Variants in STX16 observed in about 807,000 individuals in gnomAD.
STX16 encodes syntaxin-16.
In STX16, 28 loss-of-function variants were observed where a neutral mutation model predicts 42.7. The ratio of observed to expected loss-of-function variants is 0.66; its 90% CI spans 0.49 to 0.90. STX16 has a LOEUF of 0.90. Ranked by LOEUF, STX16 falls within the 40% of genes least tolerant of loss-of-function variation. The pLI, the probability that STX16 is intolerant of heterozygous loss-of-function variation, is 0.00. For synonymous variants in STX16, 156 were observed against 155.2 expected, an observed-to-expected ratio of 1.00 and a Z score of -0.04; for missense variants, 361 against 420.9, an observed-to-expected ratio of 0.86 and a Z score of 1.24.
At chr20:58,667,690 C>A in intron 3 of STX16, 93 bp downstream of exon 3, 1 of 1,116,800 alleles carries the variant, frequency 9.0e-7, no homozygotes, top group Non-Finnish European at 1.3e-6. Flanking sequence ...AATTTGGCTA[C>A]ACTTGAATGT....
At position 58,669,356 on chromosome 20, in the gene STX16, G is replaced by C; in HGVS notation, c.459G>C (p.Gln153His). The C allele has an allele frequency of 6.2e-7, 1 of 1,611,930 alleles. No individual in the cohort carries two copies. ...LPSRARACSE[Q>H]EGRLLGNVVA... ...GCCGGGCCCGGGCCTGCTCCGAGCA[G>C]GAGGGGCGGCTGCTTGGGAACGTGG... Residue 153 changes from glutamine (Q) to histidine (H), a missense_variant, in exon 5 of 9, where the codon CAG (glutamine) becomes CAC (histidine). By Grantham distance (24) the Gln-to-His change is conservative. Transcript: ENST00000371141.
chr20:58,672,095 G>T (rs1399203793), intron 7 of STX16, among the ~76,000 whole-genome samples: 1 of 152,056 alleles, frequency 6.6e-6, no homozygotes, highest in Non-Finnish European at 1.5e-5. Flanking sequence ...CACTTTGGGG[G>T]GCTGAGGCAC....
chr20:58,664,080 A>G (rs916555107), intron 2 of STX16, among the ~76,000 whole-genome samples: 7 of 152,244 alleles, frequency 4.6e-5, no homozygotes, highest in African/African-American at 1.7e-4. Flanking sequence ...ATCTGTATGA[A>G]ATAGGATGGC....
Position 58,651,901 on chromosome 20 carries a change from G to A in STX16, c.-106G>A. 7.7e-7 allele frequency: 1 copy of A among 1,295,536 alleles called. No individual in the cohort carries two copies. Among genetic ancestry groups the A allele is most frequent in the East Asian group, 2.3e-5 (1 of 42,968 alleles). The allele number at this position is 1,295,536 out of a possible 1,614,324, so 80.3% of individuals were successfully genotyped here. ...TTGAGGCCTGAGGCCTTGTCGAGAA[G>A]CTTCCGTGAAAGGGTGGGCCAGCCG... is the stretch of plus-strand genomic sequence containing the variant. On this transcript the variant is annotated 5_prime_UTR_variant, in exon 1 of 9. Transcript: ENST00000371141.
Position 58,651,751 on chromosome 20 carries a change from G to A in STX16, c.-256G>A. 1 of 427,826 alleles carries A rather than the reference G, an allele frequency of 2.3e-6. No individual in the cohort carries two copies. The highest frequency in any genetic ancestry group is 4.3e-6 in the Non-Finnish European group (1 of 231,448). 26.5% of individuals were successfully genotyped at this position (427,826 alleles called of 1,614,324 possible). A position where few individuals can be genotyped will look rare whatever the true frequency, so the allele number is the denominator to read the frequency against. On this transcript the variant is annotated 5_prime_UTR_variant, in exon 1 of 9. Transcript: ENST00000371141. Reference sequence around the variant, plus strand: ...TGGATCGCTACGCAAGGATTGGGGGGATTCAAGTGCTTAGAGATCGAAGTC... The same window carrying A: ...TGGATCGCTACGCAAGGATTGGGGGAATTCAAGTGCTTAGAGATCGAAGTC...
chr20:58,653,079 G>A (rs1000888510), intron 1 of STX16, among the ~76,000 whole-genome samples: 2 of 152,206 alleles, frequency 1.3e-5, no homozygotes, highest in African/African-American at 2.4e-5. Flanking sequence ...ATTGAAAAGT[G>A]AAGTTATGAA....
rs2083971139 is a variant in STX16, at chr20:58,671,440, GTGT to G, written c.792+144_792+146del. The G allele has an allele frequency of 6.1e-5, 22 of 358,026 alleles. No individual in the cohort carries two copies. The South Asian group carries it at 1.1e-3, about 19-fold the overall frequency. 22.2% of individuals were successfully genotyped at this position (358,026 alleles called of 1,614,324 possible). On this transcript the variant is annotated intron_variant, in intron 7 of 8. Coordinates refer to ENST00000371141, the MANE Select transcript of STX16 (RefSeq NM_001001433.3). ...ACCTGTCCTTTATGTGTGTGTGGGTGTGTGTGTGTGTGTGTGTGTGTGTGTGTG... is the reference window on the plus strand; with the variant it reads ...ACCTGTCCTTTATGTGTGTGTGGGTGGTGTGTGTGTGTGTGTGTGTGTGTG...
At position 58,667,606 on chromosome 20, in the gene STX16, C is replaced by T; in HGVS notation, c.252+9C>T. 6.2e-7 allele frequency: 1 copy of T among 1,606,800 alleles called. No individual in the cohort carries two copies. Among genetic ancestry groups the T allele is most frequent in the South Asian group, 1.1e-5 (1 of 90,890 alleles). On this transcript the variant is annotated intron_variant, in intron 3 of 8. Coordinates refer to ENST00000371141, the MANE Select transcript of STX16 (RefSeq NM_001001433.3). Reference sequence around the variant, plus strand: ...TGGATGGAGTGGATGAAGTAAGTTCCATGTTAGTTTCATAGCATCTTGTTT... The same window carrying T: ...TGGATGGAGTGGATGAAGTAAGTTCTATGTTAGTTTCATAGCATCTTGTTT...
Position 58,677,077 on chromosome 20 carries a change from G to A in STX16, c.*786G>A, listed in dbSNP as rs1411264540. On this transcript the variant is annotated 3_prime_UTR_variant, in exon 9 of 9. Coordinates refer to ENST00000371141, the MANE Select transcript of STX16 (RefSeq NM_001001433.3). ...CTAAATTTAAGTTGGTGATTTAAAT[G>A]AATCTCACATTAAAAGAAAGCTTGA... 6.6e-6 allele frequency: 1 copy of A among 152,620 alleles called. No homozygotes were observed. The highest frequency in any genetic ancestry group is 1.5e-5 in the Non-Finnish European group (1 of 68,026). 9.5% of individuals were successfully genotyped at this position (152,620 alleles called of 1,614,324 possible).
chr20:58,654,977 G>A (rs1183319122), intron 1 of STX16, among the ~76,000 whole-genome samples: 1 of 152,104 alleles, frequency 6.6e-6, no homozygotes, highest in Admixed American at 6.6e-5. Context: ...CTTAAAGTAA[G>A]TATATTTGTT....
At chr20:58,667,135 A>G (rs2083854614) in intron 2 of STX16, 1 of 348,962 alleles carries the variant, frequency 2.9e-6, no homozygotes, top group South Asian at 2.4e-5. Flanking sequence ...GTTCTATCAC[A>G]GTACTAGTAG....
chr20:58,653,275 T>C (rs548117064), intron 1 of STX16, among the ~76,000 whole-genome samples: 2 of 152,354 alleles, frequency 1.3e-5, no homozygotes, highest in South Asian at 4.1e-4. Context: ...TCTTTATGGC[T>C]TTATCTAAAT....
intron 1 of STX16, 171 bp downstream of exon 1, chr20:58,652,309 A>T: frequency 1.0e-6 from 1 of 976,758 alleles, no homozygotes; most frequent in Non-Finnish European, 1.5e-6. Context: ...CTGGATGAGG[A>T]AGAAGCGGTG....
chr20:58,652,425 A>C lies in STX16; in HGVS notation c.132+287A>C, dbSNP rs1600981121. The C allele has an allele frequency of 1.5e-5, 7 of 480,886 alleles. No individual in the cohort carries two copies. In the East Asian group the frequency reaches 3.6e-4, roughly 25 times the overall value. 29.8% of individuals were successfully genotyped at this position (480,886 alleles called of 1,614,324 possible). A position where few individuals can be genotyped will look rare whatever the true frequency, so the allele number is the denominator to read the frequency against. ...GTCACTGCGCTACAGGCCGCCTGTA[A>C]TTTACATATGTTTTAACGCTAACAT... On this transcript the variant is annotated intron_variant, in intron 1 of 8. Transcript: ENST00000371141.
intron 2 of STX16, among the ~76,000 whole-genome samples, chr20:58,662,387 C>G (rs1601011466): frequency 6.6e-6 from 1 of 152,196 alleles, no homozygotes; most frequent in East Asian, 1.9e-4. Flanking sequence ...CGGATTGCTC[C>G]CCTCCTTTTT....
rs185092890 is a variant in STX16 at position 58,657,465 on chromosome 20, A to T, written c.133-2158A>T. 7.2e-5 allele frequency among the ~76,000 whole-genome samples: 11 copies of T among 152,354 alleles called. 1 individual carries two copies. The East Asian group carries it at 2.1e-3, about 29-fold the overall frequency. On this transcript the variant is annotated intron_variant, in intron 1 of 8. Transcript: ENST00000371141. The surrounding 1 kb of genome is among the most constrained non-coding windows in gnomAD (Gnocchi z 4.2). ...CCTGTGTTTCCAACTCATTTTGCTC[A>T]ACTTTTCCAGACTTCCTGAGTAAAC...
Position 58,651,934 on chromosome 20 carries a change from A to G in STX16, c.-73A>G. ...GAAAGGGTGGGCCAGCCGGGCCACGAGAAAGAAAGTGAATAAATCAGGAAT... is the reference window on the plus strand; with the variant it reads ...GAAAGGGTGGGCCAGCCGGGCCACGGGAAAGAAAGTGAATAAATCAGGAAT... On this transcript the variant is annotated 5_prime_UTR_variant, in exon 1 of 9. Coordinates refer to ENST00000371141, the MANE Select transcript of STX16 (RefSeq NM_001001433.3). 1 of 1,532,276 alleles carries G rather than the reference A, an allele frequency of 6.5e-7. No homozygotes were observed. Among genetic ancestry groups the G allele is most frequent in the South Asian group, 1.1e-5 (1 of 87,178 alleles). The allele number at this position is 1,532,276 out of a possible 1,614,324, so 94.9% of individuals were successfully genotyped here.
chr20:58,666,720 C>T (rs557048578), intron 2 of STX16, among the ~76,000 whole-genome samples: 1 of 152,154 alleles, frequency 6.6e-6, no homozygotes, highest in African/African-American at 2.4e-5. Context: ...TGAGCCACCG[C>T]GCCCAGCCGA....
Position 58,667,513 on chromosome 20 carries a change from G to C in STX16, c.168G>C (p.Leu56=). 1.9e-6 allele frequency: 3 copies of C among 1,614,114 alleles called. No homozygotes were observed. Among genetic ancestry groups the C allele is most frequent in the Non-Finnish European group, 2.5e-6 (3 of 1,180,026 alleles). Reference sequence around the variant, plus strand: ...AGCTTGCTGATGACCGTATGGCACTGGTGTCAGGCATCAGCTTAGATCCAG... The same window carrying C: ...AGCTTGCTGATGACCGTATGGCACTCGTGTCAGGCATCAGCTTAGATCCAG... ...LDELADDRMA[L]VSGISLDPEA... The change falls in exon 3 of 9, where the codon CTG becomes CTC. Residue 56 remains leucine, a synonymous_variant. Transcript: ENST00000371141.
Sources: gnomAD v4.1 joint callset for allele counts (sites outside exome capture counted in the v4.1 genomes callset) on GRCh38, gnomAD v4.1.1 for gene constraint, Gnocchi (gnomAD v3.1) non-coding constraint, MANE v1.5 for transcripts, NCBI Gene and HGNC (gene_info 2026-07-23, HGNC 2026-07-21) for gene names.